The following CNBD1 variants were observed in gnomAD, a reference collection of about 807,000 sequenced individuals.
CNBD1 encodes cyclic nucleotide-binding domain-containing protein 1.
Under a neutral mutation model 54.4 loss-of-function variants are expected in CNBD1, and 71 were observed. The ratio of observed to expected loss-of-function variants is 1.30; its 90% CI spans 1.08 to 1.59. The LOEUF (loss-of-function observed/expected upper bound fraction) is 1.59. CNBD1 is among the 40% of genes most tolerant of loss of function. The probability of loss-of-function intolerance (pLI) is 0.00; values close to 1 mark genes in which losing one functional copy is unlikely to be tolerated. For missense variants in CNBD1, 659 were observed against 518.0 expected (o/e 1.27, Z -2.64); for synonymous variants, 182 against 170.7 (o/e 1.07, Z -0.51).
At chr8:87,124,427 A>T (rs1811952270) in intron 4 of CNBD1, among the ~76,000 whole-genome samples, 1 of 151,782 alleles carries the variant, frequency 6.6e-6, no homozygotes, top group Non-Finnish European at 1.5e-5. Flanking sequence ...TGGAAAATAC[A>T]TAAATATGTG....
chr8:87,210,394 C>T (rs1814071568), intron 5 of CNBD1, among the ~76,000 whole-genome samples: 1 of 152,112 alleles, frequency 6.6e-6, no homozygotes, highest in South Asian at 2.1e-4. Flanking sequence ...ATTTGTGTGA[C>T]TAAAAAAGAG....
At chr8:86,939,520 G>C in intron 3 of CNBD1, 76 bp from the exon 4 acceptor site, 1 of 1,019,158 alleles carries the variant, frequency 9.8e-7, no homozygotes, top group Non-Finnish European at 1.4e-6. Context: ...TTATACTCCT[G>C]CAATATAGTA....
chr8:87,077,435 T>C (rs1474640305), intron 4 of CNBD1, among the ~76,000 whole-genome samples: 2 of 148,302 alleles, frequency 1.3e-5, no homozygotes, highest in Non-Finnish European at 3.0e-5. Flanking sequence ...TTTTTTATTA[T>C]ACTTTAAGTT....
At chr8:86,956,850 G>A (rs563947928) in intron 4 of CNBD1, among the ~76,000 whole-genome samples, 1 of 152,264 alleles carries the variant, frequency 6.6e-6, no homozygotes, top group East Asian at 1.9e-4. Flanking sequence ...GCCCTAGCCA[G>A]AACTTCCAAC....
chr8:87,144,908 C>A (rs1812451620), intron 4 of CNBD1, among the ~76,000 whole-genome samples: 1 of 150,810 alleles, frequency 6.6e-6, no homozygotes, highest in South Asian at 2.1e-4. Flanking sequence ...GTTTTGGGAG[C>A]TAACCAGAAT....
intron 4 of CNBD1, among the ~76,000 whole-genome samples, chr8:86,989,867 C>T (rs1175847635): frequency 3.9e-5 from 6 of 152,118 alleles, no homozygotes; most frequent in African/African-American, 1.4e-4. Flanking sequence ...TTTATTATTG[C>T]CTCTCCTTTG....
intron 3 of CNBD1, among the ~76,000 whole-genome samples, chr8:86,918,829 A>G (rs1398272487): frequency 6.6e-6 from 1 of 151,762 alleles, no homozygotes. Context: ...TTTAGGGAGT[A>G]AAAGTGCAAT....
At chr8:87,177,608 G>A (rs1284175594) in intron 4 of CNBD1, among the ~76,000 whole-genome samples, 1 of 152,052 alleles carries the variant, frequency 6.6e-6, no homozygotes, top group Non-Finnish European at 1.5e-5. Context: ...TTAACACAGT[G>A]CTGCTTATAA....
chr8:87,326,573 C>T (rs1200192157), intron 8 of CNBD1, among the ~76,000 whole-genome samples: 1 of 117,330 alleles, frequency 8.5e-6, no homozygotes, highest in African/African-American at 3.2e-5. Flanking sequence ...ATTGCTGATA[C>T]CCTTTCTTCC....
chr8:87,228,152 T>C (rs975248790), intron 5 of CNBD1, among the ~76,000 whole-genome samples: 12 of 150,730 alleles, frequency 8.0e-5, no homozygotes, highest in South Asian at 2.1e-4. Flanking sequence ...CTAAATTTTT[T>C]TCAAAGTTTT....
At chr8:86,902,873 G>A (rs1446155705) in intron 2 of CNBD1, among the ~76,000 whole-genome samples, 1 of 151,830 alleles carries the variant, frequency 6.6e-6, no homozygotes, top group Admixed American at 6.6e-5. Flanking sequence ...TTTCCCCTCA[G>A]CTACTTCTAT....
At chr8:86,962,646 T>C (rs1807960667) in intron 4 of CNBD1, among the ~76,000 whole-genome samples, 1 of 151,734 alleles carries the variant, frequency 6.6e-6, no homozygotes, top group Non-Finnish European at 1.5e-5. Flanking sequence ...CTTAGCTGGG[T>C]GTGATGGCAG....
At chr8:87,258,794 A>G (rs947528090) in intron 6 of CNBD1, among the ~76,000 whole-genome samples, 10 of 152,154 alleles carry the variant, frequency 6.6e-5, no homozygotes, top group Non-Finnish European at 1.5e-4. Context: ...TTAAAGAGAA[A>G]ACTTGTGCTT....
chr8:86,953,296 A>G (rs1807673405), intron 4 of CNBD1, among the ~76,000 whole-genome samples: 1 of 152,212 alleles, frequency 6.6e-6, no homozygotes, highest in African/African-American at 2.4e-5. Flanking sequence ...TTCTGAAGCA[A>G]CTGCCAAACT....
chr8:87,378,618 G>A (rs1388545561), intron 10 of CNBD1, among the ~76,000 whole-genome samples: 1 of 148,722 alleles, frequency 6.7e-6, no homozygotes, highest in African/African-American at 2.5e-5. Flanking sequence ...TTTGGCTTAG[G>A]ATTGACTTGG....
rs543117357 is a variant in CNBD1, at chr8:86,997,960, C to T, written c.431+58206C>T. 1.6e-4 allele frequency among the ~76,000 whole-genome samples: 25 copies of T among 152,238 alleles called. 1 individual carries two copies. The South Asian group carries it at 4.4e-3, about 27-fold the overall frequency. ...CGTTCCTTGTTAAACACATTTCTGT[C>T]CTTTAAGTGCTGAGAGTGAGCCCAT... On this transcript the variant is annotated intron_variant, in intron 4 of 10. Coordinates refer to ENST00000518476, the MANE Select transcript of CNBD1 (RefSeq NM_173538.3).
chr8:87,172,077 A>C (rs1362115622), intron 4 of CNBD1, among the ~76,000 whole-genome samples: 2 of 151,964 alleles, frequency 1.3e-5, no homozygotes, highest in Non-Finnish European at 2.9e-5. Flanking sequence ...TAATTTCTTC[A>C]ATGATTCAAT....
intron 4 of CNBD1, among the ~76,000 whole-genome samples, chr8:87,115,773 C>T (rs187395639): frequency 6.6e-5 from 10 of 152,296 alleles, no homozygotes; most frequent in Admixed American, 5.2e-4. Context: ...TCGTATCTCT[C>T]GTATCTCTAA....
intron 6 of CNBD1, among the ~76,000 whole-genome samples, chr8:87,242,669 A>G (rs1807730912): frequency 6.6e-6 from 1 of 152,200 alleles, no homozygotes; most frequent in South Asian, 2.1e-4. Flanking sequence ...TAAAATGTAT[A>G]ACACCAAGCT....
Sources: allele counts gnomAD v4.1 joint callset (sites outside exome capture counted in the v4.1 genomes callset), GRCh38; gene constraint gnomAD v4.1.1; transcripts MANE v1.5; gene names NCBI Gene and HGNC (gene_info 2026-07-23, HGNC 2026-07-21).